DCT: variants seen among roughly 807,000 people sequenced by gnomAD.
DCT encodes the protein dopachrome tautomerase, also known as L-dopachrome tautomerase.
A neutral mutation model predicts 53.0 loss-of-function variants in DCT; 47 were observed. The ratio of observed to expected loss-of-function variants is 0.89; its 90% confidence interval spans 0.70 to 1.13. The LOEUF (loss-of-function observed/expected upper bound fraction) is 1.13, where lower values mean the gene tolerates loss of function less well. DCT is among the 50% of genes most tolerant of loss of function. DCT has a pLI of 0.00. For missense variants in DCT, 669 were observed against 637.4 expected (o/e 1.05, Z -0.53); for synonymous variants, 244 against 237.0 (o/e 1.03, Z -0.27).
chr13:94,449,242 C>T (rs963309614), intron 6 of DCT, among the ~76,000 whole-genome samples: 3 of 151,984 alleles, frequency 2.0e-5, no homozygotes, highest in East Asian at 3.9e-4. Flanking sequence ...AAATAAAATA[C>T]AAGAAAGTGT....
the DCT span, among the ~76,000 whole-genome samples, chr13:94,492,204 T>C: frequency 6.6e-6 from 1 of 152,214 alleles, no homozygotes. Flanking sequence ...TCAGTATTTA[T>C]TGAATGAACT....
intron 7 of DCT, among the ~76,000 whole-genome samples, chr13:94,441,366 G>A (rs1028795132): frequency 6.6e-6 from 1 of 152,156 alleles, no homozygotes; most frequent in African/African-American, 2.4e-5. Context: ...TAACATATAT[G>A]TAACATAAAT....
At chr13:94,486,417 T>A in the DCT span, among the ~76,000 whole-genome samples, 1 of 152,168 alleles carries the variant, frequency 6.6e-6, no homozygotes, top group Non-Finnish European at 1.5e-5. Context: ...GAAATCCTCA[T>A]TCTGATGGAG....
chr13:94,445,671 A>G, intron 6 of DCT: 1 of 1,274,150 alleles, frequency 7.8e-7, no homozygotes. Flanking sequence ...ATGGATAAAC[A>G]CAACAAAGGA....
intron 6 of DCT, chr13:94,452,507 G>A: frequency 1.5e-6 from 1 of 659,810 alleles, no homozygotes; most frequent in East Asian, 2.9e-5. Context: ...TATTAGGAGG[G>A]AATATTGTCC....
At chr13:94,538,228 C>A in the DCT span, among the ~76,000 whole-genome samples, 136 of 152,306 alleles carry the variant, frequency 8.9e-4, no homozygotes, top group Non-Finnish European at 6.3e-4. Context: ...GCAGGACCTG[C>A]CTGACTACAT....
chr13:94,549,028 T>G, the DCT span, among the ~76,000 whole-genome samples: 1 of 152,162 alleles, frequency 6.6e-6, no homozygotes, highest in East Asian at 1.9e-4. Flanking sequence ...CCAACGTTCT[T>G]TAGTCTGATG....
the DCT span, among the ~76,000 whole-genome samples, chr13:94,497,340 T>G: frequency 6.6e-6 from 1 of 152,186 alleles, no homozygotes; most frequent in Non-Finnish European, 1.5e-5. Context: ...CATAATCAAG[T>G]GATCCAATTC....
the DCT span, among the ~76,000 whole-genome samples, chr13:94,526,524 G>A: frequency 1.3e-5 from 2 of 152,110 alleles, no homozygotes; most frequent in Non-Finnish European, 2.9e-5. Context: ...TAGCTACTCG[G>A]GAGGCTGAGG....
At chr13:94,462,975 A>G (rs1025935865) in intron 4 of DCT, among the ~76,000 whole-genome samples, 1 of 152,330 alleles carries the variant, frequency 6.6e-6, no homozygotes, top group South Asian at 2.1e-4. Context: ...ATATTAGAAG[A>G]AACACTGTGT....
At chr13:94,508,397 G>A in the DCT span, among the ~76,000 whole-genome samples, 1 of 152,188 alleles carries the variant, frequency 6.6e-6, no homozygotes, top group Non-Finnish European at 1.5e-5. Flanking sequence ...ACAGCAACAG[G>A]CACTATTTGA....
At chr13:94,534,500 A>G in the DCT span, among the ~76,000 whole-genome samples, 1 of 152,236 alleles carries the variant, frequency 6.6e-6, no homozygotes, top group African/African-American at 2.4e-5. Flanking sequence ...AATAAGTACA[A>G]CTGGCACAAA....
chr13:94,543,055 G>A, the DCT span, among the ~76,000 whole-genome samples: 1 of 152,002 alleles, frequency 6.6e-6, no homozygotes, highest in Admixed American at 6.5e-5. Context: ...TTTATTAAGG[G>A]GCCTCTAACC....
At chr13:94,519,790 G>A in the DCT span, among the ~76,000 whole-genome samples, 1 of 152,148 alleles carries the variant, frequency 6.6e-6, no homozygotes, top group Non-Finnish European at 1.5e-5. Flanking sequence ...GGTGCTTAAA[G>A]AAATGCAATA....
intron 6 of DCT, among the ~76,000 whole-genome samples, chr13:94,447,937 T>C (rs1474819245): frequency 2.0e-5 from 3 of 152,182 alleles, no homozygotes. Context: ...TCAGGAGGGC[T>C]ATAAAACATA....
chr13:94,493,285 A>G, the DCT span, among the ~76,000 whole-genome samples: 1 of 152,080 alleles, frequency 6.6e-6, no homozygotes, highest in Non-Finnish European at 1.5e-5. Context: ...GCCCCCCACG[A>G]CTTATGCTGA....
chr13:94,462,744 C>T (rs1354459872), intron 4 of DCT, among the ~76,000 whole-genome samples: 2 of 152,122 alleles, frequency 1.3e-5, no homozygotes, highest in African/African-American at 4.8e-5. Flanking sequence ...TAATCATTAC[C>T]ATTCTGTTGG....
the DCT span, among the ~76,000 whole-genome samples, chr13:94,529,209 C>T: frequency 6.6e-6 from 1 of 152,172 alleles, no homozygotes; most frequent in Non-Finnish European, 1.5e-5. Flanking sequence ...TAACACCCCA[C>T]TGTCAATATT....
At chr13:94,532,572 TGGGAGTTGAACAAC>T in the DCT span, among the ~76,000 whole-genome samples, 1 of 151,964 alleles carries the variant, frequency 6.6e-6, no homozygotes, top group African/African-American at 2.4e-5. Flanking sequence ...CACTCATAGG[TGGGAGTTGAACAAC>T]GAGAATACAT....
Sources: allele counts gnomAD v4.1 joint callset (sites outside exome capture counted in the v4.1 genomes callset), GRCh38; gene constraint gnomAD v4.1.1; transcripts MANE v1.5; gene names NCBI Gene and HGNC (gene_info 2026-07-23, HGNC 2026-07-21).